The following SYNE1 variants were observed in gnomAD, a reference collection of about 807,000 sequenced individuals.
SYNE1 encodes spectrin repeat containing nuclear envelope protein 1, also known as nesprin-1.
In SYNE1, 616 loss-of-function variants were observed where a neutral mutation model predicts 1,111.0. The observed-to-expected ratio is 0.55, with a 90% confidence interval of 0.52 to 0.59. SYNE1 has a LOEUF of 0.59. Among genes scored for constraint, SYNE1 ranks in the 20% least tolerant of loss-of-function variants. The pLI, the probability that SYNE1 is intolerant of heterozygous loss-of-function variation, is 0.00. For missense variants in SYNE1, 10,006 were observed against 10,417.0 expected, an observed-to-expected ratio of 0.96 and a Z score of 1.72; for synonymous variants, 3,855 against 3,825.8, an observed-to-expected ratio of 1.01 and a Z score of -0.28.
At position 152,244,592 on chromosome 6, in the gene SYNE1, C is replaced by T. The variant is rs375565416; in HGVS notation, c.19637G>A (p.Arg6546His). Residue 6546 changes from arginine to histidine, a missense_variant, in exon 106 of 146, where the codon CGT (arginine) becomes CAT (histidine). Transcript: ENST00000367255. ...CTGCTCGACCTGTAGCTTGTCACCA[C>T]GCCTCTTTAATTCAATGATTCCTGC... ...FDAGIIELKRRGDKLQVEQPS... is the reference protein window; with the variant it reads ...FDAGIIELKRHGDKLQVEQPS... 43 of 1,613,958 alleles carry T rather than the reference C, an allele frequency of 2.7e-5. No homozygotes were observed. Among genetic ancestry groups the T allele is most frequent in the South Asian group, 1.4e-4 (13 of 91,084 alleles).
Position 152,505,257 on chromosome 6 carries a change from T to G in SYNE1, c.722A>C (p.Asp241Ala). Residue 241 changes from aspartate (D) to alanine (A), a missense_variant, in exon 9 of 146, where the codon GAT becomes GCT. By Grantham distance (126) the Asp-to-Ala change is moderately radical. This residue lies in a region of SYNE1 where 1,971 missense variants were observed against 2,084.1 expected (regional missense o/e 0.95). Coordinates refer to ENST00000367255, the MANE Select transcript of SYNE1 (RefSeq NM_182961.4). ...TTCTGTTTCGGCGATAGTGAAAGCA[T>G]CCTCCAAATTTTCTCGGTTGGATCT... Reference protein sequence around the residue: ...KGRSNRENLEDAFTIAETELG... With the variant: ...KGRSNRENLEAAFTIAETELG... 1 of 1,614,018 alleles carries G rather than the reference T, an allele frequency of 6.2e-7. No individual in the cohort carries two copies. Among genetic ancestry groups the G allele is most frequent in the South Asian group, 1.1e-5 (1 of 91,050 alleles).
At chr6:152,369,729 T>C in intron 59 of SYNE1, 115 bp from the exon 60 acceptor site, 1 of 1,295,300 alleles carries the variant, frequency 7.7e-7, no homozygotes, top group Non-Finnish European at 1.1e-6. Flanking sequence ...ACGCCTGTAA[T>C]CCCAGCACTT....
intron 51 of SYNE1, among the ~76,000 whole-genome samples, chr6:152,395,023 T>C (rs1343110054): frequency 3.9e-5 from 6 of 152,130 alleles, no homozygotes; most frequent in African/African-American, 1.2e-4. Flanking sequence ...CCTCAGGTGA[T>C]CTGCCTGCCT....
chr6:152,469,630 C>T (rs1286794671), intron 16 of SYNE1, among the ~76,000 whole-genome samples: 1 of 152,064 alleles, frequency 6.6e-6, no homozygotes, highest in African/African-American at 2.4e-5. Flanking sequence ...ATCACTAAGA[C>T]GTAAGATACC....
intron 95 of SYNE1, among the ~76,000 whole-genome samples, chr6:152,284,927 A>G (rs180973905): frequency 6.6e-6 from 1 of 152,194 alleles, no homozygotes; most frequent in East Asian, 1.9e-4. Context: ...CTATGTCGTC[A>G]CACTACTCAT....
intron 64 of SYNE1, among the ~76,000 whole-genome samples, chr6:152,360,296 C>A (rs752919282): frequency 3.3e-5 from 5 of 152,162 alleles, no homozygotes; most frequent in African/African-American, 7.2e-5. Context: ...GCAACAACAC[C>A]TGCCTGTTTC....
At chr6:152,463,008 C>T in intron 19 of SYNE1, 118 bp from the exon 20 acceptor site, 1 of 1,222,994 alleles carries the variant, frequency 8.2e-7, no homozygotes, top group Non-Finnish European at 1.2e-6. Context: ...AGACTCTAAT[C>T]TTTGATTCTC....
At chr6:152,362,971 C>T (rs544298957) in intron 63 of SYNE1, among the ~76,000 whole-genome samples, 42 of 151,528 alleles carry the variant, frequency 2.8e-4, no homozygotes, top group Admixed American at 1.6e-3. Flanking sequence ...AGCTCTGCCT[C>T]CCGGGTTCAC....
chr6:152,231,579 G>C lies in SYNE1; in HGVS notation c.20863-12C>G, dbSNP rs748934482. ...TCTATCTTAAAACCCTAAAAAAAAAGAGGAGAAAATAAGATTATACAATAA... is the reference window on the plus strand; with the variant it reads ...TCTATCTTAAAACCCTAAAAAAAAACAGGAGAAAATAAGATTATACAATAA... On this transcript the variant is annotated splice_polypyrimidine_tract_variant and intron_variant, in intron 113 of 145. Transcript: ENST00000367255. 6.2e-7 allele frequency: 1 copy of C among 1,611,506 alleles called. No homozygotes were observed. The highest frequency in any genetic ancestry group is 8.5e-7 in the Non-Finnish European group (1 of 1,178,162).
chr6:152,451,749 G>T (rs1386910642), intron 25 of SYNE1, among the ~76,000 whole-genome samples: 1 of 151,990 alleles, frequency 6.6e-6, no homozygotes, highest in East Asian at 1.9e-4. Context: ...CCAAAGTGCT[G>T]GGATTATAGG....
intron 134 of SYNE1, 134 bp from the exon 135 acceptor site, chr6:152,151,824 G>C (rs761537078): frequency 2.7e-6 from 4 of 1,482,714 alleles, no homozygotes; most frequent in Non-Finnish European, 3.7e-6. Context: ...GCAATCCTTT[G>C]CTATATCACT....
intron 2 of SYNE1, among the ~76,000 whole-genome samples, chr6:152,633,456 G>A (rs2099701278): frequency 6.6e-6 from 1 of 152,208 alleles, no homozygotes; most frequent in Non-Finnish European, 1.5e-5. Context: ...GGTAGAGGAA[G>A]ATGATATAAA....
At chr6:152,562,284 A>C (rs977340777) in intron 3 of SYNE1, among the ~76,000 whole-genome samples, 1 of 152,214 alleles carries the variant, frequency 6.6e-6, no homozygotes, top group Admixed American at 6.5e-5. Flanking sequence ...CGAATGGCCA[A>C]TTACAAGAAA....
intron 130 of SYNE1, among the ~76,000 whole-genome samples, chr6:152,167,472 C>T (rs1586718772): frequency 6.6e-6 from 1 of 152,054 alleles, no homozygotes; most frequent in Non-Finnish European, 1.5e-5. Flanking sequence ...TAAAAAAATT[C>T]CTGTCATATT....
intron 3 of SYNE1, among the ~76,000 whole-genome samples, chr6:152,553,483 T>C (rs2099354712): frequency 6.6e-6 from 1 of 152,082 alleles, no homozygotes; most frequent in African/African-American, 2.4e-5. Context: ...ATCCAGCTGG[T>C]CAATAGAGCA....
chr6:152,488,529 T>G, intron 11 of SYNE1, 26 bp from the exon 12 acceptor site: 1 of 1,236,312 alleles, frequency 8.1e-7, no homozygotes, highest in Non-Finnish European at 1.2e-6. Context: ...CATTACAATT[T>G]TATTAGTATC....
chr6:152,571,595 G>A (rs1012844670), intron 3 of SYNE1, among the ~76,000 whole-genome samples: 27 of 152,064 alleles, frequency 1.8e-4, no homozygotes, highest in African/African-American at 6.5e-4. Flanking sequence ...AAGAAAGCAT[G>A]CAAATTAACT....
intron 77 of SYNE1, 27 bp from the exon 78 acceptor site, chr6:152,331,917 G>A: frequency 1.7e-5 from 27 of 1,606,030 alleles, no homozygotes; most frequent in South Asian, 2.2e-5. Context: ...AGGTATAAGA[G>A]CAAATTAGCT....
chr6:152,486,056 A>G (rs4574653), intron 12 of SYNE1, among the ~76,000 whole-genome samples: 73,118 of 151,800 alleles, frequency 0.48, 18,433 homozygotes, highest in East Asian at 0.76. Flanking sequence ...TTAGCTGAGC[A>G]TAGTGGCGCA....
Sources: gnomAD v4.1 joint callset for allele counts (sites outside exome capture counted in the v4.1 genomes callset) on GRCh38, gnomAD v4.1.1 for gene constraint, gnomAD v4.1.1 regional missense constraint, MANE v1.5 for transcripts, NCBI Gene and HGNC (gene_info 2026-07-23, HGNC 2026-07-21) for gene names.